Variants in TIAM1 observed in about 807,000 individuals in gnomAD.
TIAM1 encodes rho guanine nucleotide exchange factor TIAM1.
A neutral mutation model predicts 163.5 loss-of-function variants in TIAM1; 65 were observed. That is an observed-to-expected ratio of 0.40 (90% CI 0.33 to 0.49). TIAM1 has a LOEUF of 0.49. TIAM1 is among the 20% of genes least tolerant of loss of function. The pLI is 0.77. For synonymous variants in TIAM1, 833 were observed against 810.1 expected (o/e 1.03, Z -0.48); for missense variants, 1,789 against 2,044.7 (o/e 0.87, Z 2.41).
chr21:31,125,331 G>A (rs556499763), intron 26 of TIAM1, among the ~76,000 whole-genome samples: 1 of 151,606 alleles, frequency 6.6e-6, no homozygotes, highest in East Asian at 1.9e-4. Flanking sequence ...CAATAAATAC[G>A]GCATCCGTGT....
At chr21:31,211,913 A>G (rs1439331423) in intron 10 of TIAM1, among the ~76,000 whole-genome samples, 1 of 152,242 alleles carries the variant, frequency 6.6e-6, no homozygotes, top group Non-Finnish European at 1.5e-5. Flanking sequence ...AATCCAATGG[A>G]AAAACTTTCG....
At chr21:31,204,250 T>C (rs2086342995) in intron 11 of TIAM1, among the ~76,000 whole-genome samples, 1 of 152,108 alleles carries the variant, frequency 6.6e-6, no homozygotes, top group Non-Finnish European at 1.5e-5. Flanking sequence ...TAGATAGAAA[T>C]GATATAATGT....
At chr21:31,175,944 G>T (rs1269665749) in intron 15 of TIAM1, among the ~76,000 whole-genome samples, 1 of 152,124 alleles carries the variant, frequency 6.6e-6, no homozygotes, top group Non-Finnish European at 1.5e-5. Flanking sequence ...GATTTGCTTT[G>T]CTTTCCTATA....
chr21:31,260,277 G>A (rs189674636), intron 4 of TIAM1, among the ~76,000 whole-genome samples: 187 of 145,090 alleles, frequency 1.3e-3, no homozygotes, highest in East Asian at 8.8e-3. Flanking sequence ...TCACTCTGTC[G>A]CCCAGGCTGG....
chr21:31,528,424 C>T (rs1319690057), intron 1 of TIAM1, among the ~76,000 whole-genome samples: 1 of 151,908 alleles, frequency 6.6e-6, no homozygotes, highest in African/African-American at 2.4e-5. Context: ...GAGGCGGAGG[C>T]AGGAAGCTCC....
chr21:31,239,660 A>G (rs2071065685), intron 6 of TIAM1, among the ~76,000 whole-genome samples: 1 of 152,224 alleles, frequency 6.6e-6, no homozygotes. Context: ...GATATACAAA[A>G]TACACAAAGA....
chr21:31,284,829 A>G (rs1207559790), intron 2 of TIAM1, among the ~76,000 whole-genome samples: 1 of 152,048 alleles, frequency 6.6e-6, no homozygotes, highest in African/African-American at 2.4e-5. Flanking sequence ...CCAAGCCTGA[A>G]GTTCAGCCTT....
rs11291911 is a variant in TIAM1 at position 31,432,091 on chromosome 21, C to CTTTTTTT, written c.-369+31885_-369+31891dup. 2.6e-3 allele frequency among the ~76,000 whole-genome samples: 242 copies of CTTTTTTT among 93,656 alleles called. 23 individuals carry two copies. Among genetic ancestry groups the CTTTTTTT allele is most frequent in the African/African-American group, 0.01 (224 of 21,772 alleles). 61.4% of individuals were successfully genotyped at this position (93,656 alleles called of 152,430 possible). ...TGAACATGTCAAAAATCTAAGATTC[C>CTTTTTTT]TTTTTTTTTTTTTTTTTTTTTTTTT... On this transcript the variant is annotated intron_variant, in intron 2 of 28. Coordinates refer to the TIAM1 transcript ENST00000286827.
intron 1 of TIAM1, among the ~76,000 whole-genome samples, chr21:31,489,791 G>A (rs1173138533): frequency 1.3e-5 from 2 of 152,144 alleles, no homozygotes; most frequent in Non-Finnish European, 2.9e-5. Flanking sequence ...GCCCTGGAGG[G>A]GAAGGTCAAA....
chr21:31,509,165 C>T (rs1389220664), intron 1 of TIAM1, among the ~76,000 whole-genome samples: 1 of 152,140 alleles, frequency 6.6e-6, no homozygotes, highest in Non-Finnish European at 1.5e-5. Context: ...GCACCCTGCA[C>T]AACGGTTCTT....
chr21:31,461,884 C>G (rs1482969900), intron 2 of TIAM1, among the ~76,000 whole-genome samples: 1 of 152,108 alleles, frequency 6.6e-6, no homozygotes, highest in Non-Finnish European at 1.5e-5. Flanking sequence ...CCAGGCTGGT[C>G]TCGAACTCCT....
chr21:31,342,189 AG>A (rs2076040481), intron 1 of TIAM1, among the ~76,000 whole-genome samples: 1 of 152,158 alleles, frequency 6.6e-6, no homozygotes. Flanking sequence ...ACATGCCTAT[AG>A]TCCTAGCTAT....
chr21:31,508,738 GTC>G (rs1456665720), intron 1 of TIAM1, among the ~76,000 whole-genome samples: 1 of 152,086 alleles, frequency 6.6e-6, no homozygotes, highest in Non-Finnish European at 1.5e-5. Flanking sequence ...GTGGACCTGG[GTC>G]TCAGCTTCTG....
At chr21:31,422,653 AT>A (rs1569317326) in intron 2 of TIAM1, among the ~76,000 whole-genome samples, 3 of 152,164 alleles carry the variant, frequency 2.0e-5, no homozygotes, top group South Asian at 4.2e-4. Flanking sequence ...CGCTCACACC[AT>A]CCACGACTGC....
At chr21:31,532,606 C>T (rs1479048884) in intron 1 of TIAM1, among the ~76,000 whole-genome samples, 1 of 152,144 alleles carries the variant, frequency 6.6e-6, no homozygotes, top group Non-Finnish European at 1.5e-5. Flanking sequence ...CCTATCTTTC[C>T]AATATGCTAG....
chr21:31,171,983 G>T (rs2084533566), intron 15 of TIAM1, among the ~76,000 whole-genome samples: 1 of 152,224 alleles, frequency 6.6e-6, no homozygotes, highest in Non-Finnish European at 1.5e-5. Flanking sequence ...TCCAGGGAAG[G>T]TTAGCAGAAC....
At chr21:31,516,107 C>CAA (rs1345174912) in intron 1 of TIAM1, among the ~76,000 whole-genome samples, 1,538 of 64,296 alleles carry the variant, frequency 0.024, 39 homozygotes, top group African/African-American at 0.068. Flanking sequence ...GACTCCATCT[C>CAA]AAAAAAAAAA....
At chr21:31,388,643 G>C (rs1373653048) in intron 2 of TIAM1, among the ~76,000 whole-genome samples, 1 of 150,878 alleles carries the variant, frequency 6.6e-6, no homozygotes, top group East Asian at 1.9e-4. Flanking sequence ...GGGTGACTGA[G>C]CAAAACCTTG....
At chr21:31,156,529 CTA>C (rs2083629424) in intron 16 of TIAM1, among the ~76,000 whole-genome samples, 1 of 152,096 alleles carries the variant, frequency 6.6e-6, no homozygotes, top group South Asian at 2.1e-4. Flanking sequence ...TAGAAATAAA[CTA>C]AACAATTTTA....
Sources: gnomAD v4.1 joint callset for allele counts (sites outside exome capture counted in the v4.1 genomes callset) on GRCh38, gnomAD v4.1.1 for gene constraint, MANE v1.5 for transcripts, NCBI Gene and HGNC (gene_info 2026-07-23, HGNC 2026-07-21) for gene names.